Variants in RAVER2 observed in about 807,000 individuals in gnomAD.
RAVER2 encodes ribonucleoprotein, PTB binding 2.
RAVER2 carries 46 observed loss-of-function variants against 78.1 expected under a neutral mutation model. The ratio of observed to expected loss-of-function variants is 0.59; its 90% CI spans 0.46 to 0.75. The LOEUF (loss-of-function observed/expected upper bound fraction) is 0.75, where lower values mean the gene tolerates loss of function less well. Ranked by LOEUF, RAVER2 falls within the 30% of genes least tolerant of loss-of-function variation. The probability of loss-of-function intolerance (pLI) is 0.00; values close to 1 mark genes in which losing one functional copy is unlikely to be tolerated. For synonymous variants in RAVER2, 311 were observed against 313.3 expected (o/e 0.99, Z 0.08); for missense variants, 793 against 837.5 (o/e 0.95, Z 0.66).
intron 4 of RAVER2, among the ~76,000 whole-genome samples, chr1:64,783,707 T>G (rs2478152): frequency 0.011 from 1,676 of 152,326 alleles, 35 homozygotes; most frequent in African/African-American, 0.038. Flanking sequence ...TTCACTCTGA[T>G]GGTAGTTTCT....
intron 6 of RAVER2, 114 bp from the exon 7 acceptor site, chr1:64,804,620 T>C (rs930473232): frequency 1.1e-5 from 6 of 560,494 alleles, no homozygotes; most frequent in Non-Finnish European, 1.9e-5. Context: ...GAAATATGTT[T>C]AGAAGCAGTT....
At chr1:64,793,861 C>T (rs567063029) in intron 5 of RAVER2, among the ~76,000 whole-genome samples, 1 of 152,310 alleles carries the variant, frequency 6.6e-6, no homozygotes, top group East Asian at 1.9e-4. Flanking sequence ...GAGGTTCATT[C>T]ACGTTGTTAC....
chr1:64,806,120 GT>G (rs1557601491), intron 8 of RAVER2, among the ~76,000 whole-genome samples: 1 of 152,140 alleles, frequency 6.6e-6, no homozygotes, highest in African/African-American at 2.4e-5. Context: ...ATCTGACTTA[GT>G]TGTCAAAATT....
exon 12 of RAVER2, chr1:64,831,655 A>T (rs1654135661): frequency 1.3e-5 from 2 of 152,182 alleles, no homozygotes; most frequent in African/African-American, 4.8e-5. Context: ...AACTTTGGTG[A>T]TCTAATAAAA....
intron 1 of RAVER2, among the ~76,000 whole-genome samples, chr1:64,752,397 T>C (rs1322945050): frequency 6.6e-6 from 1 of 152,242 alleles, no homozygotes; most frequent in African/African-American, 2.4e-5. Context: ...TCTTGTCTCT[T>C]TGGGTCCAGG....
intron 5 of RAVER2, among the ~76,000 whole-genome samples, chr1:64,801,177 C>A (rs913490859): frequency 6.6e-6 from 1 of 151,598 alleles, no homozygotes; most frequent in Admixed American, 6.6e-5. Context: ...CAGCTCACTG[C>A]AACCTCCGCC....
chr1:64,779,172 A>AATACAAT (rs1176648868), intron 3 of RAVER2, among the ~76,000 whole-genome samples: 1 of 151,936 alleles, frequency 6.6e-6, no homozygotes, highest in Non-Finnish European at 1.5e-5. Flanking sequence ...ATTTTTCAAG[A>AATACAAT]ATACAATATG....
intron 4 of RAVER2, among the ~76,000 whole-genome samples, chr1:64,782,893 G>A (rs2483615): frequency 2.6e-5 from 4 of 151,820 alleles, no homozygotes; most frequent in Non-Finnish European, 5.9e-5. Flanking sequence ...CCCCTACCCC[G>A]CGACAGGCCC....
chr1:64,782,258 T>C (rs1652651936), intron 4 of RAVER2, among the ~76,000 whole-genome samples: 1 of 152,242 alleles, frequency 6.6e-6, no homozygotes, highest in Non-Finnish European at 1.5e-5. Context: ...CCTTTTTGCT[T>C]ATGTGGCACA....
intron 4 of RAVER2, among the ~76,000 whole-genome samples, chr1:64,782,323 C>T (rs983664144): frequency 6.6e-5 from 10 of 152,212 alleles, no homozygotes; most frequent in Non-Finnish European, 7.3e-5. Flanking sequence ...CTTCTTTAGC[C>T]TGGAGGATCC....
intron 11 of RAVER2, among the ~76,000 whole-genome samples, chr1:64,819,180 A>T (rs1392273567): frequency 6.6e-6 from 1 of 152,188 alleles, no homozygotes; most frequent in Non-Finnish European, 1.5e-5. Context: ...AACGACCCCA[A>T]GGTGACCCAG....
chr1:64,780,372 A>G (rs1652594990), intron 3 of RAVER2, among the ~76,000 whole-genome samples: 1 of 152,206 alleles, frequency 6.6e-6, no homozygotes, highest in Non-Finnish European at 1.5e-5. Flanking sequence ...TTGTGGAGGA[A>G]AAGATATTTG....
intron 3 of RAVER2, among the ~76,000 whole-genome samples, chr1:64,781,090 C>T (rs1277190573): frequency 6.6e-6 from 1 of 152,064 alleles, no homozygotes; most frequent in African/African-American, 2.4e-5. Context: ...TATAAATTAC[C>T]AGTTTATATA....
intron 2 of RAVER2, among the ~76,000 whole-genome samples, chr1:64,772,546 C>T (rs569483590): frequency 7.9e-5 from 12 of 151,936 alleles, no homozygotes; most frequent in African/African-American, 2.9e-4. Context: ...TGCAATAATC[C>T]GAGCAATGTT....
chr1:64,825,339 C>T (rs1240153884), intron 11 of RAVER2, among the ~76,000 whole-genome samples: 1 of 152,098 alleles, frequency 6.6e-6, no homozygotes, highest in African/African-American at 2.4e-5. Context: ...AGTGCAGTCC[C>T]ATTTTGGTTC....
chr1:64,790,134 AAATG>A (rs1189626899), intron 5 of RAVER2, among the ~76,000 whole-genome samples: 1 of 152,234 alleles, frequency 6.6e-6, no homozygotes, highest in Non-Finnish European at 1.5e-5. Context: ...CATTATGAGG[AAATG>A]AATGCCTATA....
At chr1:64,813,624 C>T (rs1452321251) in intron 10 of RAVER2, among the ~76,000 whole-genome samples, 2 of 151,972 alleles carry the variant, frequency 1.3e-5, no homozygotes, top group African/African-American at 4.8e-5. Context: ...AGATGAATTT[C>T]ATTTTTAATA....
intron 11 of RAVER2, among the ~76,000 whole-genome samples, chr1:64,827,660 C>T (rs1442923120): frequency 6.6e-6 from 1 of 152,204 alleles, no homozygotes; most frequent in East Asian, 1.9e-4. Flanking sequence ...AAATTGTTTT[C>T]AGATTTTCTA....
chr1:64,812,233 G>C (rs567308239), intron 9 of RAVER2, among the ~76,000 whole-genome samples: 1 of 151,716 alleles, frequency 6.6e-6, no homozygotes, highest in Admixed American at 6.6e-5. Flanking sequence ...ATGGAGGTGC[G>C]GGCCTGTAAT....
Sources: allele counts gnomAD v4.1 joint callset (sites outside exome capture counted in the v4.1 genomes callset), GRCh38; gene constraint gnomAD v4.1.1; transcripts MANE v1.5; gene names NCBI Gene and HGNC (gene_info 2026-07-23, HGNC 2026-07-21).